The following NCAPD2 variants were observed in gnomAD, a reference collection of about 807,000 sequenced individuals.
The protein encoded by NCAPD2 is non-SMC condensin I complex subunit D2, also known as condensin complex subunit 1.
A neutral mutation model predicts 164.5 loss-of-function variants in NCAPD2; 100 were observed. The ratio of observed to expected loss-of-function variants is 0.61; its 90% CI spans 0.52 to 0.72. NCAPD2 has a LOEUF of 0.72. Among genes scored for constraint, NCAPD2 ranks in the 30% least tolerant of loss-of-function variants. The pLI, the probability that NCAPD2 is intolerant of heterozygous loss-of-function variation, is 0.00. For missense variants in NCAPD2, 1,560 were observed against 1,749.2 expected (o/e 0.89, Z 1.93); for synonymous variants, 585 against 642.6 (o/e 0.91, Z 1.36).
At position 6,526,575 on chromosome 12, in the gene NCAPD2, G is replaced by A; in HGVS notation, c.2694G>A (p.Leu898=). ...QILQGCAKQA[L]EKLEEKRTSQ... is the part of the protein sequence containing the mutation. ...TGCAGGGCTGTGCAAAACAGGCCCT[G>A]GAGAAGCTAGAAGAGAAGAGAACCA... Residue 898 remains leucine (L), a synonymous_variant, in exon 21 of 32, where the codon CTG becomes CTA. Coordinates refer to ENST00000315579, the MANE Select transcript of NCAPD2 (RefSeq NM_014865.4). The A allele has an allele frequency of 6.2e-7, 1 of 1,614,136 alleles. No homozygotes were observed. The highest frequency in any genetic ancestry group is 1.1e-5 in the South Asian group (1 of 91,084).
At chr12:6,516,728 G>T (rs974811840) in intron 9 of NCAPD2, 100 bp from the exon 10 acceptor site, 1 of 1,119,498 alleles carries the variant, frequency 8.9e-7, no homozygotes, top group Admixed American at 2.0e-5. Flanking sequence ...TGTGACCTTG[G>T]GAGTGAATAC....
chr12:6,521,389 G>C (rs940091546), intron 14 of NCAPD2, among the ~76,000 whole-genome samples: 1 of 152,216 alleles, frequency 6.6e-6, no homozygotes, highest in African/African-American at 2.4e-5. Flanking sequence ...ATTGTGAAAA[G>C]AGATATCCAG....
rs1946219069 is a variant in NCAPD2, at chr12:6,517,888, A to G, written c.1518A>G (p.Gln506=). 6.2e-7 allele frequency: 1 copy of G among 1,614,200 alleles called. No individual in the cohort carries two copies. Among genetic ancestry groups the G allele is most frequent in the Non-Finnish European group, 8.5e-7 (1 of 1,180,036 alleles). ...LPQGEEEIPE[Q]IANTETTEDV... is the part of the protein sequence containing the mutation. ...AGGGAGAGGAGGAGATTCCTGAGCA[A>G]ATTGCCAATACAGAGACAACTGAAG... The change falls in exon 13 of 32, where the codon CAA becomes CAG. Residue 506 remains glutamine, a synonymous_variant. Coordinates refer to ENST00000315579, the MANE Select transcript of NCAPD2 (RefSeq NM_014865.4).
intron 2 of NCAPD2, among the ~76,000 whole-genome samples, chr12:6,503,715 G>A (rs1946061309): frequency 6.6e-6 from 1 of 151,588 alleles, no homozygotes; most frequent in Admixed American, 6.6e-5. Context: ...AGGTTGTAGT[G>A]AGCCGAGATC....
At chr12:6,499,388 G>A (rs550765271) in intron 2 of NCAPD2, among the ~76,000 whole-genome samples, 1 of 151,558 alleles carries the variant, frequency 6.6e-6, no homozygotes, top group South Asian at 2.1e-4. Context: ...ATTCTTGGGG[G>A]GTTTTTTTGT....
At chr12:6,505,258 G>T (rs957054276) in intron 2 of NCAPD2, among the ~76,000 whole-genome samples, 1 of 152,096 alleles carries the variant, frequency 6.6e-6, no homozygotes, top group South Asian at 2.1e-4. Context: ...TAGAGACAGG[G>T]TTTCCCCATG....
At chr12:6,499,533 G>A (rs1946015654) in intron 2 of NCAPD2, among the ~76,000 whole-genome samples, 1 of 152,060 alleles carries the variant, frequency 6.6e-6, no homozygotes, top group East Asian at 1.9e-4. Flanking sequence ...AATTACAGGT[G>A]CCCACCACCA....
At chr12:6,509,999 G>T in intron 3 of NCAPD2, 76 bp from the exon 4 acceptor site, 1 of 1,462,630 alleles carries the variant, frequency 6.8e-7, no homozygotes, top group Non-Finnish European at 9.5e-7. Flanking sequence ...TCGATTCCAC[G>T]GGTTAGATCT....
chr12:6,508,343 AC>A, intron 2 of NCAPD2, among the ~76,000 whole-genome samples: 1 of 152,330 alleles, frequency 6.6e-6, no homozygotes, highest in Non-Finnish European at 1.5e-5. Flanking sequence ...CTTGAAAAAA[AC>A]AAAAAAATGG....
Position 6,529,913 on chromosome 12 carries a change from G to A in NCAPD2, c.3792G>A (p.Leu1264=). The A allele has an allele frequency of 1.2e-6, 2 of 1,614,208 alleles. No individual in the cohort carries two copies. Among genetic ancestry groups the A allele is most frequent in the Non-Finnish European group, 1.7e-6 (2 of 1,180,036 alleles). Residue 1264 remains leucine (L), a synonymous_variant, in exon 29 of 32, where the codon TTG becomes TTA. Transcript: ENST00000315579. ...ATGAGTCCATCTTCAGTGCTTTTTT[G>A]TCAGTTGTAGGCAAGCTGCGACGTG... ...LSDESIFSAF[L]SVVGKLRRGA... is the part of the protein sequence containing the mutation.
At chr12:6,523,164 G>A (rs1164690824) in intron 16 of NCAPD2, 98 bp from the exon 17 acceptor site, 50 of 1,464,382 alleles carry the variant, frequency 3.4e-5, no homozygotes, top group Non-Finnish European at 4.4e-5. Context: ...TCCAGGGAGA[G>A]CAGTTTTGTA....
At position 6,528,667 on chromosome 12, in the gene NCAPD2, T is replaced by G; in HGVS notation, c.3300-12T>G. On this transcript the variant is annotated splice_polypyrimidine_tract_variant and intron_variant, in intron 25 of 31. Coordinates refer to ENST00000315579, the MANE Select transcript of NCAPD2 (RefSeq NM_014865.4). This position sits in a 1 kb window ranked among gnomAD's most constrained non-coding sequence, Gnocchi z 5.1. Reference sequence around the variant, plus strand: ...AGGTCTCGGTCCCCATGACCCGCAATTCCATTCCTAGTCTCCGGGACCCTG... The same window carrying G: ...AGGTCTCGGTCCCCATGACCCGCAAGTCCATTCCTAGTCTCCGGGACCCTG... The G allele has an allele frequency of 6.2e-7, 1 of 1,606,092 alleles. No homozygotes were observed. The highest frequency in any genetic ancestry group is 8.5e-7 in the Non-Finnish European group (1 of 1,173,596).
chr12:6,503,271 A>AG (rs1946055698), intron 2 of NCAPD2, among the ~76,000 whole-genome samples: 1 of 138 alleles, frequency 7.2e-3, no homozygotes, highest in Non-Finnish European at 0.015. Context: ...TGGACTGAGA[A>AG]AAATATGCTG....
intron 2 of NCAPD2, among the ~76,000 whole-genome samples, chr12:6,506,704 A>G (rs555356298): frequency 6.6e-6 from 1 of 152,002 alleles, no homozygotes; most frequent in African/African-American, 2.4e-5. Flanking sequence ...AATTAGCCAG[A>G]TATGGTAGAG....
chr12:6,511,457 C>T (rs12372572), intron 6 of NCAPD2, among the ~76,000 whole-genome samples: 25,466 of 151,950 alleles, frequency 0.17, 2,721 homozygotes, highest in Non-Finnish European at 0.24. Context: ...CTCAGCCTCC[C>T]GAGTAGCTGG....
intron 9 of NCAPD2, among the ~76,000 whole-genome samples, chr12:6,515,925 C>T (rs573287897): frequency 2.6e-5 from 4 of 152,110 alleles, no homozygotes; most frequent in Admixed American, 2.0e-4. Context: ...GGTGTGGTGG[C>T]TCACGCCTGT....
At chr12:6,505,410 T>A (rs939500179) in intron 2 of NCAPD2, among the ~76,000 whole-genome samples, 1 of 152,166 alleles carries the variant, frequency 6.6e-6, no homozygotes, top group African/African-American at 2.4e-5. Flanking sequence ...CACTGGAAGA[T>A]GATTAACATC....
At chr12:6,508,870 A>T (rs1362180660) in intron 2 of NCAPD2, among the ~76,000 whole-genome samples, 1 of 152,314 alleles carries the variant, frequency 6.6e-6, no homozygotes, top group East Asian at 1.9e-4. Flanking sequence ...CTTCTGCTGT[A>T]ATCTTACGAA....
chr12:6,528,364 G>A lies in NCAPD2; in HGVS notation c.3299+36G>A, dbSNP rs751477490. On this transcript the variant is annotated intron_variant, in intron 25 of 31. Coordinates refer to ENST00000315579, the MANE Select transcript of NCAPD2 (RefSeq NM_014865.4). The surrounding 1 kb of genome is among the most constrained non-coding windows in gnomAD (Gnocchi z 5.1). ...CCTCACAACGTGGTGGCAGTTCCCA[G>A]GAGCCCCGGAGTCTGTTGAGAGTCA... is the stretch of plus-strand genomic sequence containing the variant. 1.4e-5 allele frequency: 23 copies of A among 1,611,658 alleles called. No homozygotes were observed. In the African/African-American group the frequency reaches 2.9e-4, roughly 21 times the overall value.
Sources: gnomAD v4.1 joint callset for allele counts (sites outside exome capture counted in the v4.1 genomes callset) on GRCh38, gnomAD v4.1.1 for gene constraint, Gnocchi (gnomAD v3.1) non-coding constraint, MANE v1.5 for transcripts, NCBI Gene and HGNC (gene_info 2026-07-23, HGNC 2026-07-21) for gene names.